RPTOR: variants seen among roughly 807,000 people sequenced by gnomAD.
The protein encoded by RPTOR is regulatory associated protein of MTOR complex 1.
Under a neutral mutation model 169.9 loss-of-function variants are expected in RPTOR, and 21 were observed. The observed-to-expected ratio is 0.12, with a 90% CI of 0.09 to 0.18. The LOEUF is 0.18. RPTOR is among the 10% of genes least tolerant of loss of function. RPTOR has a pLI of 1.00. For missense variants in RPTOR, 1,133 were observed against 1,855.9 expected (o/e 0.61, Z 7.16); for synonymous variants, 732 against 753.2 (o/e 0.97, Z 0.46).
At chr17:80,610,503 G>A (rs11653499) in intron 1 of RPTOR, among the ~76,000 whole-genome samples, 44,217 of 151,962 alleles carry the variant, frequency 0.29, 6,530 homozygotes, top group Middle Eastern at 0.36. Context: ...TGCAGGGGGC[G>A]TTTATGAACT....
At chr17:80,688,869 C>G (rs537951232) in intron 3 of RPTOR, among the ~76,000 whole-genome samples, 2 of 152,376 alleles carry the variant, frequency 1.3e-5, no homozygotes, top group South Asian at 4.1e-4. Context: ...AACACAGACT[C>G]TCTGCCCTTC....
intron 10 of RPTOR, among the ~76,000 whole-genome samples, chr17:80,840,608 TCTCAC>T (rs1482336874): frequency 5.3e-5 from 2 of 37,688 alleles, no homozygotes; most frequent in Admixed American, 4.0e-4. Flanking sequence ...GGCAGCTCAC[TCTCAC>T]CACACCACAG....
chr17:80,773,609 A>G (rs1332448387), intron 6 of RPTOR, among the ~76,000 whole-genome samples: 1 of 152,142 alleles, frequency 6.6e-6, no homozygotes, highest in African/African-American at 2.4e-5. Flanking sequence ...GGAACCGTTA[A>G]CCAGTGGCTG....
intron 1 of RPTOR, among the ~76,000 whole-genome samples, chr17:80,625,053 A>C (rs72858264): frequency 0.018 from 2,778 of 152,202 alleles, 34 homozygotes; most frequent in Non-Finnish European, 0.029. Context: ...CGGCCAGGTG[A>C]CCCGGGGGAG....
chr17:80,569,659 A>G (rs1423013705), intron 1 of RPTOR, among the ~76,000 whole-genome samples: 5 of 152,154 alleles, frequency 3.3e-5, no homozygotes, highest in Non-Finnish European at 7.4e-5. Context: ...TGGATGGTCT[A>G]TGTTGATTTC....
intron 24 of RPTOR, among the ~76,000 whole-genome samples, chr17:80,932,738 C>G (rs1156360970): frequency 6.6e-6 from 1 of 152,174 alleles, no homozygotes; most frequent in Non-Finnish European, 1.5e-5. Context: ...AGCTTCAGGA[C>G]AGTACAAAGC....
At chr17:80,833,361 G>A (rs2067528287) in intron 9 of RPTOR, among the ~76,000 whole-genome samples, 1 of 152,126 alleles carries the variant, frequency 6.6e-6, no homozygotes, top group Non-Finnish European at 1.5e-5. Flanking sequence ...GCTAATCACA[G>A]CCTCCTCCCC....
At chr17:80,784,250 AAC>A (rs1227948987) in intron 6 of RPTOR, among the ~76,000 whole-genome samples, 1 of 150,132 alleles carries the variant, frequency 6.7e-6, no homozygotes, top group Non-Finnish European at 1.5e-5. Flanking sequence ...CAAAAAAAAA[AAC>A]ACATACTTTT....
At chr17:80,868,362 A>AAG (rs2068015893) in intron 13 of RPTOR, among the ~76,000 whole-genome samples, 2 of 152,176 alleles carry the variant, frequency 1.3e-5, no homozygotes, top group Non-Finnish European at 2.9e-5. Flanking sequence ...GAGAAATGCA[A>AAG]ACTGCACCCA....
chr17:80,640,704 C>T (rs1387631912), intron 2 of RPTOR, among the ~76,000 whole-genome samples: 1 of 152,202 alleles, frequency 6.6e-6, no homozygotes, highest in East Asian at 1.9e-4. Flanking sequence ...AAGTGGCTGC[C>T]TCCTGCCAAC....
At chr17:80,692,860 C>T (rs2066004427) in intron 3 of RPTOR, among the ~76,000 whole-genome samples, 1 of 152,194 alleles carries the variant, frequency 6.6e-6, no homozygotes, top group Admixed American at 6.5e-5. Context: ...TTGAAAGGAG[C>T]CTGGCTGCTC....
intron 25 of RPTOR, among the ~76,000 whole-genome samples, chr17:80,943,402 G>A (rs2069057822): frequency 6.6e-6 from 1 of 152,252 alleles, no homozygotes; most frequent in African/African-American, 2.4e-5. Context: ...TGAAGGGTGG[G>A]AAGGGCAGGG....
At chr17:80,874,834 C>A (rs928252338) in intron 13 of RPTOR, among the ~76,000 whole-genome samples, 4 of 152,174 alleles carry the variant, frequency 2.6e-5, no homozygotes, top group African/African-American at 9.7e-5. Flanking sequence ...AAGGCTCACT[C>A]AGGAGCTGTG....
intron 3 of RPTOR, among the ~76,000 whole-genome samples, chr17:80,686,226 G>A (rs1198351852): frequency 6.7e-6 from 1 of 148,292 alleles, no homozygotes; most frequent in African/African-American, 2.5e-5. Flanking sequence ...TCGCTCTGTC[G>A]CCCATGCTGG....
chr17:80,686,187 C>CTTTTTT (rs3074397), intron 3 of RPTOR, among the ~76,000 whole-genome samples: 1 of 135,898 alleles, frequency 7.4e-6, no homozygotes, highest in Non-Finnish European at 1.6e-5. Flanking sequence ...TTCATAACAA[C>CTTTTTT]TTTTTTTTTT....
At chr17:80,769,702 TG>T (rs1285104647) in intron 6 of RPTOR, among the ~76,000 whole-genome samples, 7 of 151,932 alleles carry the variant, frequency 4.6e-5, no homozygotes, top group African/African-American at 1.7e-4. Context: ...CTATGATGAG[TG>T]AAATTTCACC....
Position 80,957,083 on chromosome 17 carries a change from C to T in RPTOR, c.3371-541C>T, listed in dbSNP as rs1016257650. Among the ~76,000 whole-genome samples the T allele has an allele frequency of 5.9e-5, 9 of 152,130 alleles. No individual in the cohort carries two copies. The highest frequency in any genetic ancestry group is 4.6e-4 in the Admixed American group (7 of 15,264). ...GAGTTCCAGCTCAGAATTGTCACCC[C>T]GGCCTGGACTTGGGAGTTCCAGCTT... On this transcript the variant is annotated intron_variant, in intron 28 of 33. Coordinates refer to ENST00000306801, the MANE Select transcript of RPTOR (RefSeq NM_020761.3). The surrounding 1 kb of genome is among the most constrained non-coding windows in gnomAD (Gnocchi z 4.6).
At chr17:80,591,915 G>T (rs1261176769) in intron 1 of RPTOR, among the ~76,000 whole-genome samples, 2 of 152,204 alleles carry the variant, frequency 1.3e-5, no homozygotes, top group East Asian at 3.8e-4. Context: ...GAACCAGCTT[G>T]TGGCTTTGTG....
chr17:80,686,241 C>T (rs889258084), intron 3 of RPTOR, among the ~76,000 whole-genome samples: 2 of 150,058 alleles, frequency 1.3e-5, no homozygotes, highest in Admixed American at 6.6e-5. Context: ...TGCTGGAGTG[C>T]GGTGGCACGA....
Sources: gnomAD v4.1 joint callset for allele counts (sites outside exome capture counted in the v4.1 genomes callset) on GRCh38, gnomAD v4.1.1 for gene constraint, Gnocchi (gnomAD v3.1) non-coding constraint, MANE v1.5 for transcripts, NCBI Gene and HGNC (gene_info 2026-07-23, HGNC 2026-07-21) for gene names.